The following AOAH variants were observed in gnomAD, a reference collection of about 807,000 sequenced individuals.
AOAH encodes acyloxyacyl hydrolase (neutrophil).
AOAH carries 64 observed loss-of-function variants against 92.2 expected under a neutral mutation model. That is an observed-to-expected ratio of 0.69 (90% CI 0.57 to 0.86). The LOEUF (loss-of-function observed/expected upper bound fraction) is 0.86. Among genes scored for constraint, AOAH ranks in the 40% least tolerant of loss-of-function variants. The pLI is 0.00. For missense variants in AOAH, 656 were observed against 694.6 expected (o/e 0.94, Z 0.62); for synonymous variants, 263 against 254.5 (o/e 1.03, Z -0.32).
chr7:36,589,406 C>A (rs1230675946), intron 12 of AOAH, among the ~76,000 whole-genome samples: 1 of 152,208 alleles, frequency 6.6e-6, no homozygotes, highest in Non-Finnish European at 1.5e-5. Flanking sequence ...AACACTGTTT[C>A]AAGAACTTCA....
intron 12 of AOAH, among the ~76,000 whole-genome samples, chr7:36,578,485 G>A (rs1243013380): frequency 6.6e-6 from 1 of 152,162 alleles, no homozygotes; most frequent in African/African-American, 2.4e-5. Context: ...ACCTATGTGT[G>A]TATATAAGAC....
At chr7:36,548,541 G>T in intron 15 of AOAH, 71 bp downstream of exon 15, 1 of 1,288,992 alleles carries the variant, frequency 7.8e-7, no homozygotes, top group Non-Finnish European at 1.1e-6. Flanking sequence ...ATGGAGTGGA[G>T]TTGGTGAGGA....
At chr7:36,533,689 GTGTGTGTGTGTT>G (rs1349690408) in intron 16 of AOAH, among the ~76,000 whole-genome samples, 1 of 151,250 alleles carries the variant, frequency 6.6e-6, no homozygotes, top group Non-Finnish European at 1.5e-5. Flanking sequence ...GTGTGTGTGT[GTGTGTGTGTGTT>G]TGTGTGTGTG....
Position 36,668,219 on chromosome 7 carries a change from A to G in AOAH, c.290+5724T>C, listed in dbSNP as rs535480778. On this transcript the variant is annotated intron_variant, in intron 3 of 20. Transcript: ENST00000617537. ...TGTGTGTGTGTGTGTGTCTCTAATA[A>G]CTACTATGAGAAATCAGTTGAACTC... Among the ~76,000 whole-genome samples the G allele has an allele frequency of 5.3e-5, 8 of 152,170 alleles. No homozygotes were observed. The South Asian group carries it at 8.3e-4, about 16-fold the overall frequency.
At position 36,549,308 on chromosome 7, in the gene AOAH, T is replaced by C. The variant is rs1786022926; in HGVS notation, c.1058+131A>G. On this transcript the variant is annotated intron_variant, in intron 14 of 20. Transcript: ENST00000617537. Reference sequence around the variant, plus strand: ...ATGCTCACTGGCCCAAGGAGTGATATCCTTGAGTTTGGATAGTGACTAACA... The same window carrying C: ...ATGCTCACTGGCCCAAGGAGTGATACCCTTGAGTTTGGATAGTGACTAACA... The C allele has an allele frequency of 5.7e-6, 4 of 701,868 alleles. No individual in the cohort carries two copies. In the South Asian group the frequency reaches 6.4e-5, roughly 11 times the overall value. The allele number at this position is 701,868 out of a possible 1,614,324, so 43.5% of individuals were successfully genotyped here.
At chr7:36,538,346 T>C (rs1407989533) in intron 16 of AOAH, among the ~76,000 whole-genome samples, 5 of 151,964 alleles carry the variant, frequency 3.3e-5, no homozygotes, top group Admixed American at 2.6e-4. Flanking sequence ...CATTCTTACA[T>C]ACATTTTTCC....
chr7:36,675,723 A>G (rs1180028444), intron 2 of AOAH, among the ~76,000 whole-genome samples: 1 of 152,216 alleles, frequency 6.6e-6, no homozygotes, highest in Non-Finnish European at 1.5e-5. Context: ...TCTCTCATGA[A>G]TATAACCACA....
At chr7:36,526,453 T>C (rs1211603711) in intron 19 of AOAH, among the ~76,000 whole-genome samples, 1 of 152,242 alleles carries the variant, frequency 6.6e-6, no homozygotes, top group Non-Finnish European at 1.5e-5. Context: ...GAAATTCTGC[T>C]TTCTTGGGAG....
intron 14 of AOAH, 104 bp from the exon 15 acceptor site, chr7:36,548,790 C>G (rs1194274093): frequency 1.1e-6 from 1 of 903,864 alleles, no homozygotes; most frequent in East Asian, 2.6e-5. Context: ...TATGACCACC[C>G]TCTTGGCAAC....
At position 36,614,005 on chromosome 7, in the gene AOAH, T is replaced by C. The variant is rs1025540858; in HGVS notation, c.846+2375A>G. ...AACCAGAGACTGTTTGAGTTCATGTTCAATTTATTTAATCTAGGAAGAGGA... is the reference window on the plus strand; with the variant it reads ...AACCAGAGACTGTTTGAGTTCATGTCCAATTTATTTAATCTAGGAAGAGGA... On this transcript the variant is annotated intron_variant, in intron 11 of 20. Coordinates refer to ENST00000617537, the MANE Select transcript of AOAH (RefSeq NM_001637.4). This position sits in a 1 kb window ranked among gnomAD's most constrained non-coding sequence, Gnocchi z 4.2. Among the ~76,000 whole-genome samples the C allele has an allele frequency of 6.6e-6, 1 of 152,194 alleles. No individual in the cohort carries two copies. The highest frequency in any genetic ancestry group is 1.5e-5 in the Non-Finnish European group (1 of 68,034).
chr7:36,701,888 T>C (rs1392497478), intron 1 of AOAH, among the ~76,000 whole-genome samples: 1 of 152,118 alleles, frequency 6.6e-6, no homozygotes, highest in Non-Finnish European at 1.5e-5. Flanking sequence ...AAGTATTTTT[T>C]GCACTATTTT....
chr7:36,637,804 A>G (rs1179807405), intron 5 of AOAH, 47 bp downstream of exon 5: 1 of 1,568,534 alleles, frequency 6.4e-7, no homozygotes, highest in East Asian at 2.2e-5. Context: ...CCAGTGAGAG[A>G]GGACATGCCA....
At chr7:36,596,572 G>A (rs935633363) in intron 11 of AOAH, among the ~76,000 whole-genome samples, 7 of 152,144 alleles carry the variant, frequency 4.6e-5, no homozygotes, top group African/African-American at 1.7e-4. Flanking sequence ...GAAGACACAG[G>A]GGGAAGGCCG....
At chr7:36,554,775 GCT>G (rs1207140593) in intron 13 of AOAH, among the ~76,000 whole-genome samples, 1 of 150,690 alleles carries the variant, frequency 6.6e-6, no homozygotes, top group Non-Finnish European at 1.5e-5. Flanking sequence ...TCATGATTTG[GCT>G]CTCTGTTTGT....
At chr7:36,719,687 T>C (rs1261470338) in intron 1 of AOAH, among the ~76,000 whole-genome samples, 1 of 151,960 alleles carries the variant, frequency 6.6e-6, no homozygotes, top group Non-Finnish European at 1.5e-5. Flanking sequence ...TCCCAGCACT[T>C]TGGGAGGCTG....
chr7:36,590,246 C>T (rs1562597857), intron 12 of AOAH, among the ~76,000 whole-genome samples: 1 of 151,790 alleles, frequency 6.6e-6, no homozygotes, highest in East Asian at 2.0e-4. Flanking sequence ...TTTAAAAATA[C>T]TTTTTTCTTC....
chr7:36,521,197 C>A (rs1784090462), intron 20 of AOAH, among the ~76,000 whole-genome samples: 1 of 152,142 alleles, frequency 6.6e-6, no homozygotes, highest in South Asian at 2.1e-4. Flanking sequence ...CCTTTGGTAG[C>A]CACACCATGC....
At chr7:36,720,920 G>A (rs1411397786) in intron 1 of AOAH, among the ~76,000 whole-genome samples, 1 of 152,136 alleles carries the variant, frequency 6.6e-6, no homozygotes, top group African/African-American at 2.4e-5. Flanking sequence ...TTAGGGTGTT[G>A]GCAACAAATG....
intron 14 of AOAH, among the ~76,000 whole-genome samples, chr7:36,549,230 C>G (rs1337565943): frequency 6.6e-6 from 1 of 152,186 alleles, no homozygotes; most frequent in Non-Finnish European, 1.5e-5. Context: ...TACCAACTCT[C>G]TATGCATTTT....
Sources: allele counts gnomAD v4.1 joint callset (sites outside exome capture counted in the v4.1 genomes callset), GRCh38; gene constraint gnomAD v4.1.1; non-coding constraint Gnocchi (gnomAD v3.1); transcripts MANE v1.5; gene names NCBI Gene and HGNC (gene_info 2026-07-23, HGNC 2026-07-21).